CNTN4: variants seen among roughly 807,000 people sequenced by gnomAD.
CNTN4 encodes the protein contactin 4.
Under a neutral mutation model 122.5 loss-of-function variants are expected in CNTN4, and 77 were observed. The observed-to-expected ratio is 0.63, with a 90% CI of 0.52 to 0.76. The LOEUF (loss-of-function observed/expected upper bound fraction) is 0.76. CNTN4 is among the 30% of genes least tolerant of loss of function. CNTN4 has a pLI of 0.00. For synonymous variants in CNTN4, 512 were observed against 447.0 expected (o/e 1.15, Z -1.83); for missense variants, 1,256 against 1,259.1 (o/e 1.00, Z 0.04).
At chr3:2,263,105 T>C (rs2040903430) in intron 2 of CNTN4, among the ~76,000 whole-genome samples, 1 of 152,118 alleles carries the variant, frequency 6.6e-6, no homozygotes, top group African/African-American at 2.4e-5. Context: ...CAGTCCTTTT[T>C]CTTGTGGCCA....
At chr3:2,340,706 T>TAGAGAGAGAGAG (rs1176854234) in intron 3 of CNTN4, among the ~76,000 whole-genome samples, 1 of 24,058 alleles carries the variant, frequency 4.2e-5, no homozygotes, top group Non-Finnish European at 1.1e-4. Flanking sequence ...TATATATATA[T>TAGAGAGAGAGAG]ATATAGAGAG....
chr3:2,516,631 A>G (rs1257474832), intron 3 of CNTN4, among the ~76,000 whole-genome samples: 1 of 152,110 alleles, frequency 6.6e-6, no homozygotes, highest in Non-Finnish European at 1.5e-5. Flanking sequence ...CCTCTATTCC[A>G]AAGTAAGAAG....
chr3:2,760,203 C>G (rs2090524879), intron 6 of CNTN4, among the ~76,000 whole-genome samples: 2 of 151,910 alleles, frequency 1.3e-5, no homozygotes, highest in South Asian at 4.2e-4. Flanking sequence ...TTATTTTTTT[C>G]TTTTGTTGCA....
At chr3:2,140,871 T>A (rs1013335030) in intron 2 of CNTN4, among the ~76,000 whole-genome samples, 4 of 152,196 alleles carry the variant, frequency 2.6e-5, no homozygotes, top group Admixed American at 2.6e-4. Context: ...CTTTGATATG[T>A]GTATGAGTTG....
intron 10 of CNTN4, among the ~76,000 whole-genome samples, chr3:2,893,713 C>A (rs1275892519): frequency 6.6e-6 from 1 of 152,104 alleles, no homozygotes; most frequent in African/African-American, 2.4e-5. Context: ...CAATTCAAGT[C>A]ATCTCACTCT....
chr3:2,571,254 T>A, intron 3 of CNTN4, 162 bp from the exon 4 acceptor site: 1 of 547,946 alleles, frequency 1.8e-6, no homozygotes, highest in Non-Finnish European at 3.3e-6. Context: ...AAAATAGGAG[T>A]CTTATTAGCT....
chr3:2,430,412 A>G (rs960090049), intron 3 of CNTN4, among the ~76,000 whole-genome samples: 7 of 138,654 alleles, frequency 5.0e-5, no homozygotes, highest in African/African-American at 1.4e-4. Flanking sequence ...ACAGAGCAAG[A>G]CTCTTGTCTC....
At chr3:2,412,398 C>T (rs2047257621) in intron 3 of CNTN4, among the ~76,000 whole-genome samples, 1 of 151,918 alleles carries the variant, frequency 6.6e-6, no homozygotes, top group African/African-American at 2.4e-5. Context: ...ATTACAGGTC[C>T]CCACCACCAT....
chr3:2,431,672 G>A (rs969842775), intron 3 of CNTN4, among the ~76,000 whole-genome samples: 1 of 152,184 alleles, frequency 6.6e-6, no homozygotes, highest in African/African-American at 2.4e-5. Flanking sequence ...AGAGAGCAAA[G>A]AAACATGCTG....
intron 2 of CNTN4, among the ~76,000 whole-genome samples, chr3:2,226,068 G>T (rs1030540751): frequency 6.6e-6 from 1 of 152,128 alleles, no homozygotes; most frequent in Non-Finnish European, 1.5e-5. Flanking sequence ...GGGAATAAAT[G>T]TGTTTAAATA....
intron 3 of CNTN4, among the ~76,000 whole-genome samples, chr3:2,353,286 T>C (rs1421883113): frequency 6.6e-6 from 1 of 152,134 alleles, no homozygotes; most frequent in African/African-American, 2.4e-5. Flanking sequence ...AACACACCAA[T>C]CAGCACCCTA....
chr3:3,039,190 G>A (rs1261863368), intron 19 of CNTN4, 187 bp downstream of exon 19: 5 of 608,570 alleles, frequency 8.2e-6, no homozygotes, highest in Admixed American at 5.1e-5. Context: ...ATCCATTGTT[G>A]AGGCAAGTTT....
chr3:2,584,373 G>T (rs1463520336), intron 4 of CNTN4, among the ~76,000 whole-genome samples: 2 of 152,064 alleles, frequency 1.3e-5, no homozygotes, highest in East Asian at 1.9e-4. Flanking sequence ...AGGGTCAAAA[G>T]TGATTGTGTT....
chr3:2,382,642 C>T (rs74691141), intron 3 of CNTN4, among the ~76,000 whole-genome samples: 10,046 of 152,116 alleles, frequency 0.066, 647 homozygotes, highest in East Asian at 0.39. Flanking sequence ...ACATTAGGAA[C>T]GAAAATAAGG....
intron 17 of CNTN4, among the ~76,000 whole-genome samples, chr3:3,036,359 A>G (rs75624459): frequency 0.083 from 12,644 of 152,226 alleles, 583 homozygotes; most frequent in Middle Eastern, 0.2. Context: ...AGGAAATATG[A>G]GAAAAATATA....
chr3:2,884,384 G>A (rs991692772), intron 9 of CNTN4, among the ~76,000 whole-genome samples: 11 of 152,082 alleles, frequency 7.2e-5, no homozygotes, highest in African/African-American at 2.7e-4. Context: ...GTGTTTTCAA[G>A]TCGTGACAAA....
At chr3:2,442,666 T>C (rs1056447435) in intron 3 of CNTN4, among the ~76,000 whole-genome samples, 1 of 152,174 alleles carries the variant, frequency 6.6e-6, no homozygotes, top group African/African-American at 2.4e-5. Context: ...TTTGGTAATA[T>C]TCAGCATAAT....
intron 2 of CNTN4, among the ~76,000 whole-genome samples, chr3:2,271,705 G>A (rs2041305871): frequency 6.6e-6 from 1 of 152,118 alleles, no homozygotes; most frequent in Admixed American, 6.6e-5. Flanking sequence ...ATATTCTACA[G>A]CAGAAACAGC....
chr3:2,263,655 C>A (rs1425321720), intron 2 of CNTN4, among the ~76,000 whole-genome samples: 1 of 151,828 alleles, frequency 6.6e-6, no homozygotes, highest in Non-Finnish European at 1.5e-5. Flanking sequence ...TCTCTTCTAG[C>A]GATTTTCAAA....
Sources: gnomAD v4.1 joint callset for allele counts (sites outside exome capture counted in the v4.1 genomes callset) on GRCh38, gnomAD v4.1.1 for gene constraint, MANE v1.5 for transcripts, NCBI Gene and HGNC (gene_info 2026-07-23, HGNC 2026-07-21) for gene names.